ZFHX3: variants seen among roughly 807,000 people sequenced by gnomAD.
ZFHX3 encodes zinc finger homeobox protein 3.
Under a neutral mutation model 279.1 loss-of-function variants are expected in ZFHX3, and 42 were observed. The observed-to-expected ratio is 0.15, with a 90% CI of 0.12 to 0.19. The LOEUF (loss-of-function observed/expected upper bound fraction) is 0.19, where lower values mean the gene tolerates loss of function less well. Among genes scored for constraint, ZFHX3 ranks in the 10% least tolerant of loss-of-function variants. ZFHX3 has a pLI of 1.00. For synonymous variants in ZFHX3, 2,293 were observed against 1,957.8 expected, an observed-to-expected ratio of 1.17 and a Z score of -4.52; for missense variants, 4,981 against 4,754.0, an observed-to-expected ratio of 1.05 and a Z score of -1.40.
chr16:73,783,475 G>T (rs879363927), intron 1 of ZFHX3, among the ~76,000 whole-genome samples: 2 of 152,190 alleles, frequency 1.3e-5, no homozygotes, highest in South Asian at 4.1e-4. Flanking sequence ...ACCCAGGAAA[G>T]AATGGGAGTT....
chr16:73,685,163 T>A (rs1049226531), intron 1 of ZFHX3, among the ~76,000 whole-genome samples: 2 of 151,596 alleles, frequency 1.3e-5, no homozygotes, highest in Non-Finnish European at 2.9e-5. Flanking sequence ...TACAGTTGCA[T>A]GCCACCACGC....
In ZFHX3 at chr16:73,385,139, T is replaced by G. The variant is rs534001848; in HGVS notation, c.-1290-66803A>C. Among the ~76,000 whole-genome samples, 8 of 152,262 alleles carry G rather than the reference T, an allele frequency of 5.3e-5. No individual in the cohort carries two copies. The South Asian group carries it at 1.7e-3, about 32-fold the overall frequency. On this transcript the variant is annotated intron_variant, in intron 3 of 17. Coordinates refer to the ZFHX3 transcript ENST00000641206. Reference sequence around the variant, plus strand: ...GCAACACAAAGGAGAAGAAACTTGGTGACTTTGTTTAGGCTCCTGATCAAA... The same window carrying G: ...GCAACACAAAGGAGAAGAAACTTGGGGACTTTGTTTAGGCTCCTGATCAAA...
chr16:73,227,321 C>G (rs73597356), intron 5 of ZFHX3, among the ~76,000 whole-genome samples: 9,727 of 152,140 alleles, frequency 0.064, 981 homozygotes, highest in African/African-American at 0.21. Context: ...AGAGATGACG[C>G]TGATTTATTA....
At chr16:73,682,991 A>AAAGAAAGAAAAGAAAGAAAGAAAGAAAG (rs1555532226) in intron 1 of ZFHX3, among the ~76,000 whole-genome samples, 1 of 42,378 alleles carries the variant, frequency 2.4e-5, no homozygotes, top group African/African-American at 7.6e-5. Context: ...AGAAAGAAAG[A>AAAGAAAGAAAAGAAAGAAAGAAAGAAAG]AAAGAAAGAA....
chr16:73,579,243 A>G (rs772978023), intron 2 of ZFHX3, among the ~76,000 whole-genome samples: 7 of 152,068 alleles, frequency 4.6e-5, no homozygotes, highest in Non-Finnish European at 4.4e-5. Flanking sequence ...CTGCCTTTCC[A>G]GACCTAACCA....
At chr16:72,933,585 C>T (rs180888662) in intron 3 of ZFHX3, among the ~76,000 whole-genome samples, 4 of 152,122 alleles carry the variant, frequency 2.6e-5, no homozygotes, top group Non-Finnish European at 5.9e-5. Flanking sequence ...TATCAATGTG[C>T]CTTACATCTT....
intron 2 of ZFHX3, among the ~76,000 whole-genome samples, chr16:73,464,518 G>A (rs2143587708): frequency 7.0e-6 from 1 of 142,440 alleles, no homozygotes; most frequent in South Asian, 2.3e-4. Context: ...GCCCTGGGCA[G>A]ACAGTGAGAA....
At chr16:73,117,738 G>A (rs1423016101) in intron 7 of ZFHX3, among the ~76,000 whole-genome samples, 1 of 152,182 alleles carries the variant, frequency 6.6e-6, no homozygotes. Flanking sequence ...ATTTGAAGGT[G>A]AGGCCTTTGG....
At chr16:73,432,051 C>T (rs2017920097) in intron 3 of ZFHX3, among the ~76,000 whole-genome samples, 1 of 152,144 alleles carries the variant, frequency 6.6e-6, no homozygotes. Context: ...ACCCTGAGCA[C>T]AGGGGAAATT....
chr16:73,707,349 A>G (rs2053314485), intron 1 of ZFHX3, among the ~76,000 whole-genome samples: 2 of 152,220 alleles, frequency 1.3e-5, no homozygotes, highest in South Asian at 4.2e-4. Context: ...ACATATCAAC[A>G]TGGGTATATT....
intron 1 of ZFHX3, among the ~76,000 whole-genome samples, chr16:73,035,187 G>C (rs984327680): frequency 6.6e-6 from 1 of 152,168 alleles, no homozygotes; most frequent in Non-Finnish European, 1.5e-5. Flanking sequence ...CTCATTAATA[G>C]TTTTATTAAT....
intron 5 of ZFHX3, among the ~76,000 whole-genome samples, chr16:73,168,229 T>TTCTTTCTTTCTTTCTA (rs1967431494): frequency 1.4e-5 from 2 of 138,498 alleles, no homozygotes; most frequent in South Asian, 5.1e-4. Flanking sequence ...CTTTCTTTCT[T>TTCTTTCTTTCTTTCTA]TCTTTCTTTC....
At chr16:73,064,928 C>G (rs773464542) in intron 8 of ZFHX3, among the ~76,000 whole-genome samples, 15 of 152,188 alleles carry the variant, frequency 9.9e-5, no homozygotes, top group Non-Finnish European at 1.5e-4. Context: ...TAGAAGTTTG[C>G]ACCACATGTA....
intron 3 of ZFHX3, among the ~76,000 whole-genome samples, chr16:72,922,073 A>G (rs2039600464): frequency 6.6e-6 from 1 of 152,178 alleles, no homozygotes. Flanking sequence ...CACGCCGTGA[A>G]GCCCACACTC....
At chr16:73,790,480 G>A (rs1208815437) in intron 1 of ZFHX3, among the ~76,000 whole-genome samples, 2 of 152,276 alleles carry the variant, frequency 1.3e-5, no homozygotes, top group East Asian at 1.9e-4. Context: ...CAGCCACTGA[G>A]AGCTAAGCAA....
At chr16:73,590,316 C>T (rs1284078733) in intron 2 of ZFHX3, among the ~76,000 whole-genome samples, 1 of 152,192 alleles carries the variant, frequency 6.6e-6, no homozygotes, top group Non-Finnish European at 1.5e-5. Flanking sequence ...TCTTTCCAAC[C>T]AACAGGAACC....
chr16:73,142,861 T>C (rs926711911), intron 6 of ZFHX3, among the ~76,000 whole-genome samples: 1 of 152,204 alleles, frequency 6.6e-6, no homozygotes, highest in African/African-American at 2.4e-5. Flanking sequence ...GAAACTGACG[T>C]CCAGAAAGGC....
chr16:73,669,946 C>T (rs1265960444), intron 2 of ZFHX3, among the ~76,000 whole-genome samples: 2 of 152,144 alleles, frequency 1.3e-5, no homozygotes, highest in African/African-American at 4.8e-5. Flanking sequence ...AGGGAACTCA[C>T]TGCCAAAAAA....
exon 6 of ZFHX3, chr16:73,143,815 A>G: frequency 7.7e-7 from 1 of 1,301,416 alleles, no homozygotes; most frequent in African/African-American, 1.5e-5. Context: ...TGGGGGTTGT[A>G]ACTTATATCT....
Sources: gnomAD v4.1 joint callset for allele counts (sites outside exome capture counted in the v4.1 genomes callset) on GRCh38, gnomAD v4.1.1 for gene constraint, MANE v1.5 for transcripts, NCBI Gene and HGNC (gene_info 2026-07-23, HGNC 2026-07-21) for gene names.